GHR: variants seen among roughly 807,000 people sequenced by gnomAD.
The protein encoded by GHR is GH receptor.
A neutral mutation model predicts 67.1 loss-of-function variants in GHR; 35 were observed. That is an observed-to-expected ratio of 0.52 (90% CI 0.40 to 0.69). The LOEUF (loss-of-function observed/expected upper bound fraction) is 0.69, where lower values mean the gene tolerates loss of function less well. GHR is among the 30% of genes least tolerant of loss of function. GHR has a pLI of 0.00. For missense variants in GHR, 792 were observed against 764.6 expected, an observed-to-expected ratio of 1.04 and a Z score of -0.42; for synonymous variants, 272 against 269.1, an observed-to-expected ratio of 1.01 and a Z score of -0.10.
chr5:42,679,009 A>G (rs1756705460), intron 3 of GHR, among the ~76,000 whole-genome samples: 1 of 146,458 alleles, frequency 6.8e-6, no homozygotes, highest in Admixed American at 6.9e-5. Context: ...AATTAATAAC[A>G]TATTAATTCA....
chr5:42,626,107 G>A (rs1393636086), intron 2 of GHR, among the ~76,000 whole-genome samples: 1 of 152,200 alleles, frequency 6.6e-6, no homozygotes, highest in African/African-American at 2.4e-5. Flanking sequence ...TCCTCGGTGG[G>A]AATCTCTCCC....
At chr5:42,478,248 T>C (rs979105968) in intron 1 of GHR, among the ~76,000 whole-genome samples, 1 of 152,234 alleles carries the variant, frequency 6.6e-6, no homozygotes, top group Non-Finnish European at 1.5e-5. Context: ...TCTATATATC[T>C]GTTTTGGTAC....
chr5:42,564,018 A>G (rs1490965814), intron 1 of GHR, among the ~76,000 whole-genome samples: 2 of 152,176 alleles, frequency 1.3e-5, no homozygotes, highest in Non-Finnish European at 2.9e-5. Context: ...ATGAAAGGCC[A>G]TCAGCTCAAG....
At chr5:42,603,769 A>G (rs1239998372) in intron 2 of GHR, among the ~76,000 whole-genome samples, 1 of 152,192 alleles carries the variant, frequency 6.6e-6, no homozygotes, top group African/African-American at 2.4e-5. Context: ...CAAGTAAGCA[A>G]TCAGTTCTGC....
chr5:42,508,458 T>C, intron 1 of GHR, among the ~76,000 whole-genome samples: 1 of 152,212 alleles, frequency 6.6e-6, no homozygotes, highest in East Asian at 1.9e-4. Context: ...TCTGGAGGCT[T>C]CATATGAAAG....
chr5:42,551,599 C>G (rs748507707), intron 1 of GHR, among the ~76,000 whole-genome samples: 4 of 152,188 alleles, frequency 2.6e-5, no homozygotes, highest in Admixed American at 1.3e-4. Flanking sequence ...GAGTAACCAA[C>G]TGGGTGAACC....
chr5:42,427,842 A>G (rs936083079), intron 1 of GHR, among the ~76,000 whole-genome samples: 1 of 152,240 alleles, frequency 6.6e-6, no homozygotes. Context: ...GTGCAAGTCC[A>G]AAGTCTAATA....
At chr5:42,528,252 T>C (rs1386865370) in intron 1 of GHR, among the ~76,000 whole-genome samples, 1 of 152,158 alleles carries the variant, frequency 6.6e-6, no homozygotes, top group Non-Finnish European at 1.5e-5. Context: ...TTAAAAACCT[T>C]ATGGAAAGGA....
At chr5:42,524,485 A>T (rs925677288) in intron 1 of GHR, among the ~76,000 whole-genome samples, 2 of 152,208 alleles carry the variant, frequency 1.3e-5, no homozygotes. Context: ...CATTAAAAGC[A>T]TTTCATTGTG....
intron 1 of GHR, among the ~76,000 whole-genome samples, chr5:42,499,124 G>A (rs920271614): frequency 6.6e-6 from 1 of 152,164 alleles, no homozygotes; most frequent in African/African-American, 2.4e-5. Context: ...CCAAACGTGG[G>A]GAAGAGTGTT....
chr5:42,448,735 G>T (rs1489117640), intron 1 of GHR, among the ~76,000 whole-genome samples: 2 of 151,572 alleles, frequency 1.3e-5, no homozygotes, highest in Non-Finnish European at 2.9e-5. Flanking sequence ...GAGTTTTTTT[G>T]ATGTTATCTT....
At chr5:42,607,602 T>C (rs1453281164) in intron 2 of GHR, among the ~76,000 whole-genome samples, 1 of 152,136 alleles carries the variant, frequency 6.6e-6, no homozygotes, top group Non-Finnish European at 1.5e-5. Flanking sequence ...GTTATGGTGG[T>C]ATATAAATGA....
At chr5:42,531,244 G>A (rs1291420591) in intron 1 of GHR, among the ~76,000 whole-genome samples, 2 of 150,548 alleles carry the variant, frequency 1.3e-5, no homozygotes, top group Non-Finnish European at 2.9e-5. Flanking sequence ...TCCAGCCTGG[G>A]CAACAGAGTG....
chr5:42,439,839 A>T (rs1743491501), intron 1 of GHR, among the ~76,000 whole-genome samples: 1 of 152,178 alleles, frequency 6.6e-6, no homozygotes, highest in Admixed American at 6.5e-5. Context: ...AGAAATGCTG[A>T]TTTTCCTTGC....
At chr5:42,716,426 A>T (rs1758726373) in intron 8 of GHR, among the ~76,000 whole-genome samples, 1 of 152,154 alleles carries the variant, frequency 6.6e-6, no homozygotes, top group African/African-American at 2.4e-5. Flanking sequence ...AGGCTTTTCA[A>T]GCCATACAGT....
At chr5:42,429,544 T>C (rs1015855295) in intron 1 of GHR, among the ~76,000 whole-genome samples, 12 of 152,238 alleles carry the variant, frequency 7.9e-5, no homozygotes, top group African/African-American at 2.9e-4. Context: ...TTGATTAATT[T>C]CATACCTATA....
Position 42,560,522 on chromosome 5 carries a change from G to A in GHR, c.-11-5342G>A, listed in dbSNP as rs151154673. 7.9e-5 allele frequency among the ~76,000 whole-genome samples: 12 copies of A among 152,224 alleles called. No homozygotes were observed. The East Asian group carries it at 2.3e-3, about 29-fold the overall frequency. ...ACTTTTAATATAATTTTTGATAAAG[G>A]TGTTATGGAGACTTGTCACCAAATA... is the stretch of plus-strand genomic sequence containing the variant. On this transcript the variant is annotated intron_variant, in intron 1 of 9. Transcript: ENST00000230882.
intron 1 of GHR, among the ~76,000 whole-genome samples, chr5:42,457,714 G>A (rs1399297453): frequency 6.6e-6 from 1 of 152,058 alleles, no homozygotes; most frequent in Non-Finnish European, 1.5e-5. Context: ...GTCCCTCAAG[G>A]TGCTTACTGG....
At chr5:42,605,425 T>G (rs1277823629) in intron 2 of GHR, among the ~76,000 whole-genome samples, 1 of 152,084 alleles carries the variant, frequency 6.6e-6, no homozygotes, top group Non-Finnish European at 1.5e-5. Flanking sequence ...TCTTAAACTT[T>G]TGTGCTTATT....
Sources: gnomAD v4.1 joint callset for allele counts (sites outside exome capture counted in the v4.1 genomes callset) on GRCh38, gnomAD v4.1.1 for gene constraint, MANE v1.5 for transcripts, NCBI Gene and HGNC (gene_info 2026-07-23, HGNC 2026-07-21) for gene names.